ATP10B: variants seen among roughly 807,000 people sequenced by gnomAD.
ATP10B encodes the protein ATPase phospholipid transporting 10B (putative), also known as phospholipid-transporting ATPase VB.
In ATP10B, 122 loss-of-function variants were observed where a neutral mutation model predicts 141.2. The observed-to-expected ratio is 0.86, with a 90% CI of 0.75 to 1.00. The LOEUF is 1.00. ATP10B is among the 50% of genes least tolerant of loss of function. The pLI is 0.00. For missense variants in ATP10B, 1,876 were observed against 1,825.3 expected (o/e 1.03, Z -0.51); for synonymous variants, 685 against 692.0 (o/e 0.99, Z 0.16).
chr5:160,886,533 C>T, the ATP10B span, among the ~76,000 whole-genome samples: 1 of 152,072 alleles, frequency 6.6e-6, no homozygotes, highest in Non-Finnish European at 1.5e-5. Context: ...TTTCACAGAG[C>T]CTTAAAAACC....
chr5:160,782,710 T>C (rs1345330725), intron 2 of ATP10B, among the ~76,000 whole-genome samples: 3 of 152,062 alleles, frequency 2.0e-5, no homozygotes, highest in Non-Finnish European at 4.4e-5. Context: ...ATGACAGGTA[T>C]AGTTTAAAAG....
At chr5:160,865,989 A>G in the ATP10B span, among the ~76,000 whole-genome samples, 1,919 of 152,290 alleles carry the variant, frequency 0.013, 39 homozygotes, top group African/African-American at 0.044. Flanking sequence ...TACAACCACT[A>G]TGGATAACAA....
Position 160,796,526 on chromosome 5 carries a change from A to G in ATP10B, c.-575-10723T>C, listed in dbSNP as rs77235609. On this transcript the variant is annotated intron_variant, in intron 1 of 25. Coordinates refer to ENST00000327245, the MANE Select transcript of ATP10B (RefSeq NM_025153.3). ...TCTAAATGAGTTCTTTCCCAGATGC[A>G]TTCAGGGTACAAGGCCCATCACATC... Among the ~76,000 whole-genome samples, 1,113 of 152,272 alleles carry G rather than the reference A, an allele frequency of 7.3e-3. 10 individuals carry two copies. The highest frequency in any genetic ancestry group is 0.025 in the African/African-American group (1,050 of 41,550).
chr5:160,678,019 TC>T (rs922235469), intron 6 of ATP10B, among the ~76,000 whole-genome samples: 2 of 152,170 alleles, frequency 1.3e-5, no homozygotes, highest in African/African-American at 4.8e-5. Context: ...GCCACCTACA[TC>T]CCTTTTCTGA....
intron 10 of ATP10B, among the ~76,000 whole-genome samples, chr5:160,639,928 G>GA (rs1328808091): frequency 1.3e-5 from 2 of 152,212 alleles, no homozygotes; most frequent in Non-Finnish European, 2.9e-5. Context: ...TCAAGCATTT[G>GA]ATTCTCATAA....
the ATP10B span, among the ~76,000 whole-genome samples, chr5:160,914,097 T>C: frequency 2.0e-5 from 3 of 152,246 alleles, no homozygotes; most frequent in Admixed American, 1.3e-4. Context: ...AAAGTAGTTG[T>C]CACTTCAATG....
At chr5:160,833,632 TAGA>T (rs1478808985) in intron 1 of ATP10B, among the ~76,000 whole-genome samples, 1 of 152,104 alleles carries the variant, frequency 6.6e-6, no homozygotes, top group Admixed American at 6.6e-5. Flanking sequence ...ACGTTAGAAT[TAGA>T]AGACAAATAT....
intron 13 of ATP10B, among the ~76,000 whole-genome samples, chr5:160,630,195 A>C (rs570275266): frequency 3.2e-4 from 48 of 152,312 alleles, no homozygotes; most frequent in African/African-American, 1.1e-3. Context: ...TTGGAACTTA[A>C]CTCGTGTCAA....
chr5:160,565,783 T>C lies in ATP10B; in HGVS notation c.4056A>G (p.Arg1352=). The change falls in exon 26 of 26, where the codon AGA becomes AGG. Residue 1352 remains arginine (R), a synonymous_variant. Coordinates refer to ENST00000327245, the MANE Select transcript of ATP10B (RefSeq NM_025153.3). ...RNLEIQSWRS[R]QRPAPVPEVA... ...CTTCGGGGACAGGGGCAGGCCTCTG[T>C]CTGCTTCTCCAACTCTGGATTTCCA... 1 of 1,614,106 alleles carries C rather than the reference T, an allele frequency of 6.2e-7. No homozygotes were observed. Among genetic ancestry groups the C allele is most frequent in the South Asian group, 1.1e-5 (1 of 91,078 alleles).
intron 15 of ATP10B, among the ~76,000 whole-genome samples, chr5:160,618,424 C>T: frequency 6.6e-6 from 1 of 152,176 alleles, no homozygotes; most frequent in South Asian, 2.1e-4. Context: ...CTCTATTTAT[C>T]ATCTTCTCTA....
intron 17 of ATP10B, chr5:160,614,391 A>G (rs1005838026): frequency 6.6e-6 from 1 of 152,184 alleles, no homozygotes; most frequent in Non-Finnish European, 1.5e-5. Flanking sequence ...ACCCAGAAGA[A>G]CCGGAGGAAC....
intron 2 of ATP10B, among the ~76,000 whole-genome samples, chr5:160,783,598 TAC>T (rs1770918872): frequency 1.3e-5 from 1 of 77,974 alleles, no homozygotes. Flanking sequence ...CACACACACA[TAC>T]ACACACACAC....
chr5:160,824,598 G>A (rs773817024), intron 1 of ATP10B, among the ~76,000 whole-genome samples: 2 of 151,934 alleles, frequency 1.3e-5, no homozygotes, highest in Non-Finnish European at 2.9e-5. Context: ...ACACACCTAG[G>A]GTATATGATA....
At chr5:160,901,784 C>G in the ATP10B span, among the ~76,000 whole-genome samples, 1 of 152,198 alleles carries the variant, frequency 6.6e-6, no homozygotes, top group East Asian at 1.9e-4. Flanking sequence ...TCATACCCAA[C>G]AGTACTTTTT....
chr5:160,741,531 C>T (rs1767480004), intron 2 of ATP10B, among the ~76,000 whole-genome samples: 1 of 152,180 alleles, frequency 6.6e-6, no homozygotes, highest in Non-Finnish European at 1.5e-5. Flanking sequence ...ATAGGGTAAA[C>T]AGCCTGTCAA....
At chr5:160,912,768 G>A in the ATP10B span, among the ~76,000 whole-genome samples, 1 of 152,192 alleles carries the variant, frequency 6.6e-6, no homozygotes, top group Non-Finnish European at 1.5e-5. Flanking sequence ...AATTAAGTGT[G>A]CTTTTCCTAC....
At chr5:160,848,097 A>G (rs1320317020) in intron 1 of ATP10B, among the ~76,000 whole-genome samples, 2 of 152,202 alleles carry the variant, frequency 1.3e-5, no homozygotes, top group African/African-American at 4.8e-5. Flanking sequence ...AAACATACAC[A>G]CATACAATAC....
At chr5:160,635,198 T>C (rs1285503476) in intron 11 of ATP10B, among the ~76,000 whole-genome samples, 2 of 152,106 alleles carry the variant, frequency 1.3e-5, no homozygotes, top group East Asian at 3.8e-4. Context: ...ACCATGACCT[T>C]TGAACAGAGA....
At chr5:160,766,315 C>A (rs1769406053) in intron 2 of ATP10B, among the ~76,000 whole-genome samples, 1 of 148,204 alleles carries the variant, frequency 6.7e-6, no homozygotes, top group African/African-American at 2.5e-5. Flanking sequence ...AAATGTCCAC[C>A]AATCAATGAG....
Sources: gnomAD v4.1 joint callset for allele counts (sites outside exome capture counted in the v4.1 genomes callset) on GRCh38, gnomAD v4.1.1 for gene constraint, MANE v1.5 for transcripts, NCBI Gene and HGNC (gene_info 2026-07-23, HGNC 2026-07-21) for gene names.